EAF2: variants seen among roughly 807,000 people sequenced by gnomAD.
EAF2 encodes the protein ELL-associated factor 2.
EAF2 carries 29 observed loss-of-function variants against 29.4 expected under a neutral mutation model. The observed-to-expected ratio is 0.99, with a 90% CI of 0.73 to 1.35. The LOEUF (loss-of-function observed/expected upper bound fraction) is 1.35. Ranked by LOEUF, EAF2 falls within the 40% of genes most tolerant of loss-of-function variation. The probability of loss-of-function intolerance (pLI) is 0.00; values close to 1 mark genes in which losing one functional copy is unlikely to be tolerated. For missense variants in EAF2, 292 were observed against 312.0 expected (o/e 0.94, Z 0.48); for synonymous variants, 103 against 102.5 (o/e 1.00, Z -0.03).
chr3:121,867,341 G>A (rs545580979), intron 4 of EAF2, among the ~76,000 whole-genome samples: 2 of 152,134 alleles, frequency 1.3e-5, no homozygotes, highest in African/African-American at 4.8e-5. Flanking sequence ...TGATGCCAAG[G>A]TACATCATAA....
At chr3:121,869,804 G>T (rs1439158364) in intron 4 of EAF2, among the ~76,000 whole-genome samples, 1 of 152,076 alleles carries the variant, frequency 6.6e-6, no homozygotes, top group Non-Finnish European at 1.5e-5. Flanking sequence ...TGAGTGGATT[G>T]CTTGAGCCCA....
intron 1 of EAF2, among the ~76,000 whole-genome samples, chr3:121,840,189 GA>G (rs35521886): frequency 0.24 from 16,373 of 69,598 alleles, 1,264 homozygotes; most frequent in African/African-American, 0.28. Context: ...ATTCTCTCAG[GA>G]AAAAAAAAAA....
chr3:121,854,882 T>C lies in EAF2; in HGVS notation c.338+59T>C, dbSNP rs9834185. On this transcript the variant is annotated intron_variant, in intron 3 of 5. Coordinates refer to ENST00000273668, the MANE Select transcript of EAF2 (RefSeq NM_018456.6). The stretch of plus-strand genomic sequence containing the variant: ...ACATAAATTTCTAAGGAAATGTCAA[T>C]AAAAAATTTATTAAGTCACATTATA... 2.5e-5 allele frequency: 35 copies of C among 1,398,452 alleles called. No homozygotes were observed. In the African/African-American group the frequency reaches 4.6e-4, roughly 18 times the overall value. 86.6% of individuals were successfully genotyped at this position (1,398,452 alleles called of 1,614,324 possible). A position where few individuals can be genotyped will look rare whatever the true frequency, so the allele number is the denominator to read the frequency against.
intron 4 of EAF2, among the ~76,000 whole-genome samples, chr3:121,866,717 T>G (rs1372281386): frequency 2.0e-5 from 3 of 150,200 alleles, no homozygotes; most frequent in Non-Finnish European, 1.5e-5. Context: ...AGAGCAAAAC[T>G]CCATCTTAAA....
intron 5 of EAF2, among the ~76,000 whole-genome samples, chr3:121,873,394 C>G (rs1229136507): frequency 6.6e-6 from 1 of 151,814 alleles, no homozygotes; most frequent in Non-Finnish European, 1.5e-5. Context: ...ACTCCTTCAT[C>G]AAGTCCTATT....
Position 121,840,515 on chromosome 3 carries a change from A to AAAAAAAAAAAAAAAAC in EAF2, c.107-3932_107-3931insAAAAAAAAACAAAAAA, listed in dbSNP as rs1167466790. ...AAAAAAAAAAAAAAAAAAAGAAAAA[A>AAAAAAAAAAAAAAAAC]AAAAAACGGGCCGGGTGCGGTGGCT... On this transcript the variant is annotated intron_variant, in intron 1 of 5. Transcript: ENST00000273668. Among the ~76,000 whole-genome samples, 711 of 97,788 alleles carry AAAAAAAAAAAAAAAAC rather than the reference A, an allele frequency of 7.3e-3. 102 individuals are homozygous for AAAAAAAAAAAAAAAAC. Among genetic ancestry groups the AAAAAAAAAAAAAAAAC allele is most frequent in the Admixed American group, 0.014 (110 of 7,626 alleles). 64.2% of individuals were successfully genotyped at this position (97,788 alleles called of 152,430 possible).
chr3:121,872,674 G>A lies in EAF2; in HGVS notation c.622G>A (p.Asp208Asn). ...TGAAGATTGCAAATCCTCTACTTCT[G>A]ATACAGGGAATTGTGTCTCAGGACA... ...EDEDCKSSTS[D>N]TGNCVSGHPT... Residue 208 changes from aspartate (D) to asparagine (N), a missense_variant, in exon 5 of 6, where the codon GAT becomes AAT. Transcript: ENST00000273668. The A allele has an allele frequency of 3.1e-6, 5 of 1,612,926 alleles. No homozygotes were observed. Among genetic ancestry groups the A allele is most frequent in the Non-Finnish European group, 4.2e-6 (5 of 1,179,212 alleles).
chr3:121,869,053 A>T (rs1576652633), intron 4 of EAF2, among the ~76,000 whole-genome samples: 1 of 152,256 alleles, frequency 6.6e-6, no homozygotes, highest in East Asian at 1.9e-4. Flanking sequence ...ACTAAAAATC[A>T]ATAACAGACA....
intron 3 of EAF2, 104 bp downstream of exon 3, chr3:121,854,927 G>A (rs1708693830): frequency 1.8e-6 from 2 of 1,123,474 alleles, no homozygotes; most frequent in South Asian, 1.8e-5. Context: ...TTATTTCTGT[G>A]TGGTACAAAA....
chr3:121,857,848 G>A (rs1479383176), intron 4 of EAF2, among the ~76,000 whole-genome samples: 1 of 152,004 alleles, frequency 6.6e-6, no homozygotes, highest in South Asian at 2.1e-4. Context: ...ACAGGCCCCG[G>A]TGTGTGATGG....
intron 5 of EAF2, among the ~76,000 whole-genome samples, chr3:121,882,284 G>A (rs1327570171): frequency 6.6e-6 from 1 of 151,812 alleles, no homozygotes; most frequent in African/African-American, 2.4e-5. Context: ...AGGAGGTGGA[G>A]GTTACAGTAA....
intron 5 of EAF2, among the ~76,000 whole-genome samples, chr3:121,883,646 C>G (rs996676803): frequency 6.6e-6 from 1 of 152,230 alleles, no homozygotes; most frequent in African/African-American, 2.4e-5. Context: ...AAACTCCCCT[C>G]CCACTAAATG....
Position 121,868,099 on chromosome 3 carries a change from A to T in EAF2, c.485-4438A>T, listed in dbSNP as rs1032790952. 2.1e-4 allele frequency among the ~76,000 whole-genome samples: 32 copies of T among 152,232 alleles called. 1 individual carries two copies. Among genetic ancestry groups the T allele is most frequent in the Admixed American group, 1.9e-3 (29 of 15,288 alleles). Reference sequence around the variant, plus strand: ...TAAGCCCTAACATATATCAATAATTACTTTAAACATATATTGTCTAAATAA... The same window carrying T: ...TAAGCCCTAACATATATCAATAATTTCTTTAAACATATATTGTCTAAATAA... On this transcript the variant is annotated intron_variant, in intron 4 of 5. Transcript: ENST00000273668.
chr3:121,878,454 T>C (rs1427583193), intron 5 of EAF2, among the ~76,000 whole-genome samples: 2 of 152,148 alleles, frequency 1.3e-5, no homozygotes, highest in Non-Finnish European at 2.9e-5. Context: ...TACAATAAAT[T>C]GTTGTTAACT....
intron 4 of EAF2, among the ~76,000 whole-genome samples, chr3:121,867,837 A>T (rs997490208): frequency 6.6e-6 from 1 of 152,230 alleles, no homozygotes; most frequent in East Asian, 1.9e-4. Context: ...ATGATATTTC[A>T]AAGTGGATAT....
At position 121,854,721 on chromosome 3, in the gene EAF2, C is replaced by CA; in HGVS notation, c.243dup (p.Pro82ThrfsTer11). The CA allele has an allele frequency of 1.3e-6, 2 of 1,559,778 alleles. No homozygotes were observed. The highest frequency in any genetic ancestry group is 1.7e-6 in the Non-Finnish European group (2 of 1,164,812). ...CCACCAGTAACTGTTTTCAAAGGTT[C>CA]AAAAAAACCTTACTTAAAAGAATGC... On this transcript the variant is annotated frameshift_variant, in exon 3 of 6. Coordinates refer to ENST00000273668, the MANE Select transcript of EAF2 (RefSeq NM_018456.6). LOFTEE classifies it high-confidence loss of function.
chr3:121,886,513 A>G lies in EAF2; in HGVS notation c.*125A>G, dbSNP rs993268182. 6 of 424,986 alleles carry G rather than the reference A, an allele frequency of 1.4e-5. No homozygotes were observed. Among genetic ancestry groups the G allele is most frequent in the South Asian group, 8.6e-5 (1 of 11,610 alleles). The allele number at this position is 424,986 out of a possible 1,614,324, so 26.3% of individuals were successfully genotyped here. A position where few individuals can be genotyped will look rare whatever the true frequency, so the allele number is the denominator to read the frequency against. On this transcript the variant is annotated 3_prime_UTR_variant, in exon 6 of 6. Transcript: ENST00000273668. ...TTGATGATAAAAGAAATTAAATTTG[A>G]TTCAGAAATTTCAGTTGATGTTATG...
chr3:121,843,949 A>C (rs1462128635), intron 1 of EAF2, among the ~76,000 whole-genome samples: 1 of 152,174 alleles, frequency 6.6e-6, no homozygotes, highest in Non-Finnish European at 1.5e-5. Context: ...ATAGAATGAC[A>C]GACAAGTGGT....
Position 121,844,520 on chromosome 3 carries a change from G to T in EAF2, c.174G>T (p.Gln58His). ...EGYLEVGEGE[Q>H]VTITLPNIEG... ...ACCTTGAGGTTGGTGAAGGTGAACA[G>T]GTGACCATAACTCTGCCAAATATAG... Residue 58 changes from glutamine (Q) to histidine (H), a missense_variant, in exon 2 of 6, where the codon CAG becomes CAT. By Grantham distance (24) the Gln-to-His change is conservative (BLOSUM62 0). Transcript: ENST00000273668. 2 of 1,610,524 alleles carry T rather than the reference G, an allele frequency of 1.2e-6. No individual in the cohort carries two copies. Among genetic ancestry groups the T allele is most frequent in the East Asian group, 2.2e-5 (1 of 44,482 alleles).
Sources: allele counts gnomAD v4.1 joint callset (sites outside exome capture counted in the v4.1 genomes callset), GRCh38; gene constraint gnomAD v4.1.1; transcripts MANE v1.5; gene names NCBI Gene and HGNC (gene_info 2026-07-23, HGNC 2026-07-21).